The following VPS51 variants were observed in gnomAD, a reference collection of about 807,000 sequenced individuals.
The protein encoded by VPS51 is vacuolar protein sorting-associated protein 51 homolog.
VPS51 carries 55 observed loss-of-function variants against 65.1 expected under a neutral mutation model. The ratio of observed to expected loss-of-function variants is 0.84; its 90% confidence interval spans 0.68 to 1.06. The LOEUF is 1.06. Among genes scored for constraint, VPS51 ranks in the 50% least tolerant of loss-of-function variants. The pLI is 0.00. For missense variants in VPS51, 943 were observed against 1,101.6 expected (o/e 0.86, Z 2.04); for synonymous variants, 473 against 489.5 (o/e 0.97, Z 0.44).
Position 65,108,216 on chromosome 11 carries a change from C to T in VPS51, c.745C>T (p.Pro249Ser), listed in dbSNP as rs1397416441. 2.5e-6 allele frequency: 4 copies of T among 1,599,710 alleles called. No individual in the cohort carries two copies. Among genetic ancestry groups the T allele is most frequent in the African/African-American group, 1.3e-5 (1 of 74,762 alleles). The change falls in exon 5 of 10, where the codon CCG (proline) becomes TCG (serine). Residue 249 changes from proline to serine, a missense_variant. Around this residue, in one of 2 missense-constraint regions of VPS51, gnomAD observed 855 missense variants for 953.7 expected, o/e 0.90. Coordinates refer to ENST00000279281, the MANE Select transcript of VPS51 (RefSeq NM_013265.4). ...QRFREGGSGA[P>S]EQAECVELLL... ...GTGCAGGGAGGGCGGCTCAGGCGCC[C>T]CGGAGCAGGCAGAGTGCGTGGAGCT...
At position 65,108,278 on chromosome 11, in the gene VPS51, C is replaced by T. The variant is rs375984174; in HGVS notation, c.807C>T (p.Cys269=). The change falls in exon 5 of 10, where the codon TGC becomes TGT. Residue 269 remains cysteine (C), a synonymous_variant. Transcript: ENST00000279281. ...LALGEPAEEL[C]EEFLAHARGR... Reference sequence around the variant, plus strand: ...TGGGCGAGCCTGCGGAGGAGCTGTGCGAGGAGTTCCTGGCGCACGCCCGCG... The same window carrying T: ...TGGGCGAGCCTGCGGAGGAGCTGTGTGAGGAGTTCCTGGCGCACGCCCGCG... The T allele has an allele frequency of 1.2e-6, 2 of 1,600,220 alleles. No individual in the cohort carries two copies. Among genetic ancestry groups the T allele is most frequent in the Non-Finnish European group, 1.7e-6 (2 of 1,174,470 alleles).
intron 2 of VPS51, among the ~76,000 whole-genome samples, chr11:65,098,568 T>A (rs1212907491): frequency 6.6e-6 from 1 of 152,214 alleles, no homozygotes; most frequent in Non-Finnish European, 1.5e-5. Context: ...TGGAATGTTC[T>A]GGGAGCATCT....
rs1947905033 is a variant in VPS51 at position 65,111,699 on chromosome 11, T to C, written c.*112T>C. 1 of 1,413,012 alleles carries C rather than the reference T, an allele frequency of 7.1e-7. No homozygotes were observed. The highest frequency in any genetic ancestry group is 1.4e-5 in the African/African-American group (1 of 69,418). The allele number at this position is 1,413,012 out of a possible 1,614,324, so 87.5% of individuals were successfully genotyped here. On this transcript the variant is annotated 3_prime_UTR_variant, in exon 10 of 10. Transcript: ENST00000279281. The stretch of plus-strand genomic sequence containing the variant: ...TCAGGACCGGCCTAATAAACATGTG[T>C]GGCCTCCTCCTCTCGCTTGCTGGGC...
chr11:65,109,267 C>G lies in VPS51; in HGVS notation c.1444-13C>G. On this transcript the variant is annotated splice_polypyrimidine_tract_variant and intron_variant, in intron 5 of 9. Transcript: ENST00000279281. ...AGGGGACCTGCTGTGGACCTGGGCA[C>G]CTTCTCTTGCAGGGTGAGTTCTGCA... is the stretch of plus-strand genomic sequence containing the variant. 1 of 1,605,556 alleles carries G rather than the reference C, an allele frequency of 6.2e-7. No homozygotes were observed. The highest frequency in any genetic ancestry group is 8.5e-7 in the Non-Finnish European group (1 of 1,175,026).
At position 65,108,380 on chromosome 11, in the gene VPS51, C is replaced by T; in HGVS notation, c.909C>T (p.Phe303=). The change falls in exon 5 of 10, where the codon TTC becomes TTT. Residue 303 remains phenylalanine, a synonymous_variant. Transcript: ENST00000279281. Reference sequence around the variant, plus strand: ...CTCCGGCTCCCGACGTGTTAGAGTTCACCGACCATGGAGGCAGTGGCTTCG... The same window carrying T: ...CTCCGGCTCCCGACGTGTTAGAGTTTACCGACCATGGAGGCAGTGGCTTCG... The part of the protein sequence containing the change: ...PSPPAPDVLE[F]TDHGGSGFVG... 2 of 1,612,346 alleles carry T rather than the reference C, an allele frequency of 1.2e-6. No individual in the cohort carries two copies. Among genetic ancestry groups the T allele is most frequent in the Non-Finnish European group, 1.7e-6 (2 of 1,179,702 alleles).
chr11:65,097,661 G>C (rs540568404), intron 2 of VPS51, among the ~76,000 whole-genome samples: 58 of 151,898 alleles, frequency 3.8e-4, no homozygotes, highest in Admixed American at 9.8e-4. Flanking sequence ...GATTGACCTG[G>C]GAAATATAGT....
intron 7 of VPS51, 22 bp downstream of exon 7, chr11:65,109,945 GT>G (rs1565317222): frequency 6.4e-7 from 1 of 1,570,946 alleles, no homozygotes; most frequent in Non-Finnish European, 8.6e-7. Flanking sequence ...GCTGGCCGGG[GT>G]AGCCCTGACG....
intron 2 of VPS51, among the ~76,000 whole-genome samples, chr11:65,102,969 C>T (rs1473337126): frequency 6.6e-6 from 1 of 152,160 alleles, no homozygotes; most frequent in African/African-American, 2.4e-5. Flanking sequence ...TAGAGAGACC[C>T]CATCTCTACA....
At chr11:65,109,664 C>G in intron 6 of VPS51, 41 bp from the exon 7 acceptor site, 1 of 1,533,378 alleles carries the variant, frequency 6.5e-7, no homozygotes, top group South Asian at 1.2e-5. Context: ...GAGCTGCCCC[C>G]ACCATACCCA....
chr11:65,109,443 C>T lies in VPS51; in HGVS notation c.1607C>T (p.Thr536Met), dbSNP rs142361493. The T allele has an allele frequency of 4.2e-5, 67 of 1,609,006 alleles. No homozygotes were observed. Among genetic ancestry groups the T allele is most frequent in the Admixed American group, 2.5e-4 (15 of 60,000 alleles). The change falls in exon 6 of 10, where the codon ACG becomes ATG. Residue 536 changes from threonine (T) to methionine (M), a missense_variant. Physicochemically the swap from Thr to Met is moderately conservative, Grantham distance 81. This residue lies in a region of VPS51 where 855 missense variants were observed against 953.7 expected (regional missense o/e 0.90). Transcript: ENST00000279281. ...LLSRLCLDYE[T>M]ATISYILTLT... ...TCCCGCCTCTGCCTGGACTACGAGACGGCCACCATCTCCTACATCCTCACT... is the reference window on the plus strand; with the variant it reads ...TCCCGCCTCTGCCTGGACTACGAGATGGCCACCATCTCCTACATCCTCACT...
chr11:65,100,586 A>T (rs928731910), intron 2 of VPS51, among the ~76,000 whole-genome samples: 10 of 134,740 alleles, frequency 7.4e-5, no homozygotes, highest in African/African-American at 2.8e-5. Flanking sequence ...GCTAGAGTGC[A>T]GTGGTGCCAT....
intron 7 of VPS51, chr11:65,110,271 T>C (rs1397278262): frequency 1.2e-5 from 10 of 820,248 alleles, no homozygotes; most frequent in Admixed American, 5.3e-5. Context: ...TGCTGAAGAT[T>C]AGACCTCAGA....
At chr11:65,097,641 A>C (rs1947779963) in intron 2 of VPS51, among the ~76,000 whole-genome samples, 1 of 151,932 alleles carries the variant, frequency 6.6e-6, no homozygotes, top group Non-Finnish European at 1.5e-5. Flanking sequence ...ACTTGAGCCT[A>C]AGAGTTTAAG....
At chr11:65,109,955 C>T (rs370632676) in intron 7 of VPS51, 32 bp downstream of exon 7, 141 of 1,554,784 alleles carry the variant, frequency 9.1e-5, no homozygotes, top group Non-Finnish European at 5.9e-5. Flanking sequence ...GTAGCCCTGA[C>T]GCAGGCTGGG....
At chr11:65,109,100 G>A in intron 5 of VPS51, 180 bp from the exon 6 acceptor site, 1 of 1,002,676 alleles carries the variant, frequency 1.0e-6, no homozygotes, top group South Asian at 1.6e-5. Flanking sequence ...GGCATGGTGG[G>A]GTCCCCAGTG....
In VPS51 at chr11:65,107,876, G is replaced by C. The variant is rs1947854002; in HGVS notation, c.579G>C (p.Leu193=). The C allele has an allele frequency of 1.3e-6, 2 of 1,551,112 alleles. No homozygotes were observed. Among genetic ancestry groups the C allele is most frequent in the Non-Finnish European group, 8.7e-7 (1 of 1,148,610 alleles). ...CGCGCCTCACCAAGTGCGTGGAACT[G>C]GGCGCCTATGGGCAGGCGGTGCGCT... ...LPSRLTKCVE[L]GAYGQAVRYQ... Residue 193 remains leucine (L), a synonymous_variant, in exon 4 of 10, where the codon CTG becomes CTC. Transcript: ENST00000279281. This position sits in a 1 kb window ranked among gnomAD's most constrained non-coding sequence, Gnocchi z 4.0.
At position 65,109,698 on chromosome 11, in the gene VPS51, G is replaced by A; in HGVS notation, c.1660-7G>A. ...CACTCCCTCTGTCCTCTGCCTCCTT[G>A]GCTCAGGATCAGTTCCCAGTGACGC... is the stretch of plus-strand genomic sequence containing the variant. On this transcript the variant is annotated splice_polypyrimidine_tract_variant and splice_region_variant and intron_variant, in intron 6 of 9. Transcript: ENST00000279281. 6.4e-7 allele frequency: 1 copy of A among 1,557,870 alleles called. No homozygotes were observed. Among genetic ancestry groups the A allele is most frequent in the South Asian group, 1.2e-5 (1 of 85,078 alleles).
chr11:65,101,687 TG>T (rs976225439), intron 2 of VPS51, among the ~76,000 whole-genome samples: 3 of 129,550 alleles, frequency 2.3e-5, no homozygotes, highest in African/African-American at 5.8e-5. Flanking sequence ...GGCTTGTACC[TG>T]GGAGGCAGAG....
At chr11:65,100,115 A>G (rs1162167760) in intron 2 of VPS51, among the ~76,000 whole-genome samples, 1 of 152,146 alleles carries the variant, frequency 6.6e-6, no homozygotes, top group East Asian at 1.9e-4. Context: ...AAATAATAAT[A>G]ATAATAAATA....
Sources: gnomAD v4.1 joint callset for allele counts (sites outside exome capture counted in the v4.1 genomes callset) on GRCh38, gnomAD v4.1.1 for gene constraint, gnomAD v4.1.1 regional missense constraint, Gnocchi (gnomAD v3.1) non-coding constraint, MANE v1.5 for transcripts, NCBI Gene and HGNC (gene_info 2026-07-23, HGNC 2026-07-21) for gene names.